Variants in TENM3 observed in about 807,000 individuals in gnomAD.
TENM3 encodes teneurin-3.
A neutral mutation model predicts 255.1 loss-of-function variants in TENM3; 63 were observed. The observed-to-expected ratio is 0.25, with a 90% CI of 0.20 to 0.30. The LOEUF is 0.30. Among genes scored for constraint, TENM3 ranks in the 10% least tolerant of loss-of-function variants. The pLI is 1.00. For synonymous variants in TENM3, 1,306 were observed against 1,322.3 expected, an observed-to-expected ratio of 0.99 and a Z score of 0.27; for missense variants, 2,929 against 3,461.1, an observed-to-expected ratio of 0.85 and a Z score of 3.86.
chr4:181,525,299 A>C, the TENM3 span, among the ~76,000 whole-genome samples: 5 of 150,116 alleles, frequency 3.3e-5, no homozygotes, highest in Non-Finnish European at 5.9e-5. Flanking sequence ...TGGTCCAGCT[A>C]TGCTGGAGAA....
chr4:181,892,723 C>T, the TENM3 span, among the ~76,000 whole-genome samples: 3 of 152,162 alleles, frequency 2.0e-5, no homozygotes, highest in Middle Eastern at 6.8e-3. Context: ...CAAAATTTTC[C>T]CTCTCCATGA....
At chr4:182,758,060 A>G (rs1291775824) in intron 22 of TENM3, among the ~76,000 whole-genome samples, 1 of 152,184 alleles carries the variant, frequency 6.6e-6, no homozygotes, top group Non-Finnish European at 1.5e-5. Context: ...TAGCAGAAAG[A>G]CTGCTTTTAA....
intron 5 of TENM3, among the ~76,000 whole-genome samples, chr4:182,631,987 AT>A (rs1751414918): frequency 6.6e-6 from 1 of 152,060 alleles, no homozygotes; most frequent in Admixed American, 6.6e-5. Flanking sequence ...TATTTTTTCT[AT>A]TTCTTCAAAA....
At chr4:182,452,637 A>G (rs1448476544) in intron 3 of TENM3, among the ~76,000 whole-genome samples, 1 of 152,232 alleles carries the variant, frequency 6.6e-6, no homozygotes, top group Non-Finnish European at 1.5e-5. Flanking sequence ...ATGGATTTTA[A>G]GTTATGAATG....
chr4:182,714,073 C>CT lies in TENM3; in HGVS notation c.2222-11dup. The CT allele has an allele frequency of 1.2e-6, 2 of 1,610,550 alleles. No individual in the cohort carries two copies. The highest frequency in any genetic ancestry group is 1.7e-6 in the Non-Finnish European group (2 of 1,178,490). ...TACTCAAATCACTGGTGTTTTCCTT[C>CT]TTTGTCTCGACAGAGGGTTGTCCTG... On this transcript the variant is annotated splice_polypyrimidine_tract_variant and intron_variant, in intron 12 of 27. Coordinates refer to ENST00000511685, the MANE Select transcript of TENM3 (RefSeq NM_001080477.4).
At chr4:181,849,949 T>TCTCTCTCACACACACACA in the TENM3 span, among the ~76,000 whole-genome samples, 3,906 of 65,866 alleles carry the variant, frequency 0.059, 237 homozygotes, top group Admixed American at 0.12. Context: ...TCTCTCTCTC[T>TCTCTCTCACACACACACA]CACACACACA....
chr4:181,544,579 G>A, the TENM3 span, among the ~76,000 whole-genome samples: 68 of 152,276 alleles, frequency 4.5e-4, no homozygotes, highest in African/African-American at 1.5e-3. Flanking sequence ...CAGTTGGCAT[G>A]CATTCAAGGA....
the TENM3 span, among the ~76,000 whole-genome samples, chr4:181,638,416 G>A: frequency 8.1e-4 from 124 of 152,260 alleles, no homozygotes; most frequent in South Asian, 1.9e-3. Context: ...CCTGTGTTTG[G>A]GGATCACCCA....
At chr4:182,527,390 T>C (rs1739312385) in intron 3 of TENM3, among the ~76,000 whole-genome samples, 1 of 152,106 alleles carries the variant, frequency 6.6e-6, no homozygotes, top group South Asian at 2.1e-4. Context: ...GAAGAATCGT[T>C]AGACTTTAAA....
At chr4:182,158,719 A>G (rs1197127867) in intron 1 of TENM3, among the ~76,000 whole-genome samples, 2 of 152,106 alleles carry the variant, frequency 1.3e-5, no homozygotes. Context: ...TCTGCCTCCC[A>G]GAGTCAATAC....
chr4:181,593,481 G>T, the TENM3 span, among the ~76,000 whole-genome samples: 1 of 152,204 alleles, frequency 6.6e-6, no homozygotes, highest in Non-Finnish European at 1.5e-5. Context: ...ACGCTGCTTT[G>T]TTAGGAAAAG....
intron 18 of TENM3, among the ~76,000 whole-genome samples, chr4:182,742,946 G>A (rs1761718638): frequency 6.6e-6 from 1 of 152,166 alleles, no homozygotes; most frequent in African/African-American, 2.4e-5. Flanking sequence ...CATGATTTCA[G>A]TTCACAGTAG....
chr4:182,257,287 A>G (rs13115826), intron 1 of TENM3, among the ~76,000 whole-genome samples: 28,426 of 152,072 alleles, frequency 0.19, 3,122 homozygotes, highest in Non-Finnish European at 0.25. Flanking sequence ...ATTCACGTGT[A>G]ACAGATATAC....
intron 5 of TENM3, among the ~76,000 whole-genome samples, chr4:182,632,632 T>G (rs1229046474): frequency 1.3e-5 from 2 of 152,148 alleles, no homozygotes; most frequent in African/African-American, 4.8e-5. Flanking sequence ...TATTTTCAAT[T>G]AAGGATATGA....
intron 22 of TENM3, among the ~76,000 whole-genome samples, chr4:182,757,942 A>C (rs1190268677): frequency 6.6e-6 from 1 of 152,204 alleles, no homozygotes; most frequent in African/African-American, 2.4e-5. Context: ...AAGCATTATT[A>C]AAATATCTTA....
In TENM3 at chr4:182,310,485, C is replaced by G. The variant is rs151008557; in HGVS notation, c.-75-13461C>G. 2.0e-3 allele frequency among the ~76,000 whole-genome samples: 301 copies of G among 152,242 alleles called. 1 individual carries two copies. Among genetic ancestry groups the G allele is most frequent in the Middle Eastern group, 6.8e-3 (2 of 294 alleles). On this transcript the variant is annotated intron_variant, in intron 1 of 27. Transcript: ENST00000511685. ...AAACAAGCTACAAGTTTACATCTTC[C>G]CCTTAGCAACTCTAATGAAAAGAGT... is the stretch of plus-strand genomic sequence containing the variant.
At chr4:181,457,516 A>G in the TENM3 span, among the ~76,000 whole-genome samples, 1 of 151,826 alleles carries the variant, frequency 6.6e-6, no homozygotes, top group Non-Finnish European at 1.5e-5. Flanking sequence ...TATTGATGTT[A>G]CAGAAACAGT....
chr4:182,753,010 G>T (rs572166015), intron 20 of TENM3, among the ~76,000 whole-genome samples: 2 of 146,592 alleles, frequency 1.4e-5, no homozygotes, highest in East Asian at 2.0e-4. Flanking sequence ...GCAATGGTGC[G>T]ATCTCGGCTC....
chr4:181,622,213 G>C, the TENM3 span, among the ~76,000 whole-genome samples: 8 of 152,124 alleles, frequency 5.3e-5, no homozygotes, highest in Non-Finnish European at 1.0e-4. Flanking sequence ...TGGTCAGCTA[G>C]GTCATGCATC....
Sources: allele counts gnomAD v4.1 joint callset (sites outside exome capture counted in the v4.1 genomes callset), GRCh38; gene constraint gnomAD v4.1.1; transcripts MANE v1.5; gene names NCBI Gene and HGNC (gene_info 2026-07-23, HGNC 2026-07-21).